Variants in ZNF582 observed in about 807,000 individuals in gnomAD.
The protein encoded by ZNF582 is zinc finger protein 582.
ZNF582 carries 14 observed loss-of-function variants against 12.3 expected under a neutral mutation model. The observed-to-expected ratio is 1.14, with a 90% CI of 0.75 to 1.78. ZNF582 has a LOEUF of 1.78. ZNF582 is among the 40% of genes most tolerant of loss of function. The pLI is 0.00. For missense variants in ZNF582, 567 were observed against 616.5 expected (o/e 0.92, Z 0.85); for synonymous variants, 210 against 207.2 (o/e 1.01, Z -0.11).
At chr19:56,385,081 A>C (rs2041954027) in exon 5 of ZNF582, 1 of 1,614,140 alleles carries the variant, frequency 6.2e-7, no homozygotes, top group Non-Finnish European at 8.5e-7. Context: ...AACACTCAAG[A>C]CCATAACTTG....
chr19:56,388,822 G>A lies in ZNF582; in HGVS notation c.232+1179C>T, dbSNP rs144176288. Reference sequence around the variant, plus strand: ...TAATTTTTGTGATTTTAGTCGGGACGAGGTTTCACCATGTTGGCCAGACTG... The same window carrying A: ...TAATTTTTGTGATTTTAGTCGGGACAAGGTTTCACCATGTTGGCCAGACTG... On this transcript the variant is annotated intron_variant, in intron 4 of 4. Coordinates refer to ENST00000586929, the Ensembl canonical transcript of ZNF582. Among the ~76,000 whole-genome samples the A allele has an allele frequency of 1.6e-3, 250 of 152,208 alleles. 1 individual carries two copies. The highest frequency in any genetic ancestry group is 2.2e-3 in the Non-Finnish European group (148 of 68,006).
chr19:56,385,350 G>C (rs1054700066), intron 4 of ZNF582, among the ~76,000 whole-genome samples, 166 bp from the exon 5 acceptor site: 1 of 152,262 alleles, frequency 6.6e-6, no homozygotes, highest in African/African-American at 2.4e-5. Context: ...ACATACATGA[G>C]ATGAGGGAGG....
At chr19:56,390,597 T>C in intron 2 of ZNF582, 96 bp from the exon 3 acceptor site, 3 of 1,402,208 alleles carry the variant, frequency 2.1e-6, no homozygotes, top group Admixed American at 3.7e-5. Context: ...GGGGGTTGTT[T>C]TGTTGAACAA....
intron 4 of ZNF582, chr19:56,388,499 T>G (rs2041987260): frequency 6.6e-6 from 1 of 152,262 alleles, no homozygotes; most frequent in Admixed American, 6.5e-5. Flanking sequence ...AGGTGAATAA[T>G]TTGTGAGAAG....
chr19:56,384,161 C>G (rs1190551605), exon 5 of ZNF582: 1 of 1,610,896 alleles, frequency 6.2e-7, no homozygotes, highest in Non-Finnish European at 8.5e-7. Flanking sequence ...TGGCTTTTCA[C>G]CTGTATGAAT....
At chr19:56,388,860 G>A (rs1036577658) in intron 4 of ZNF582, among the ~76,000 whole-genome samples, 7 of 152,014 alleles carry the variant, frequency 4.6e-5, no homozygotes, top group African/African-American at 1.5e-4. Flanking sequence ...CAAGTGATTT[G>A]GCCGCCTCAG....
At chr19:56,382,828 A>C (rs1358688037) in exon 5 of ZNF582, 1 of 152,178 alleles carries the variant, frequency 6.6e-6, no homozygotes, top group Non-Finnish European at 1.5e-5. Flanking sequence ...CTAGTAGCTG[A>C]GTCTTCTCAG....
intron 4 of ZNF582, 142 bp from the exon 5 acceptor site, chr19:56,385,326 G>T: frequency 1.2e-6 from 1 of 847,332 alleles, no homozygotes; most frequent in Non-Finnish European, 1.7e-6. Context: ...AAGTAGAACA[G>T]TGAAAGGAAA....
rs2042032076 is a variant in ZNF582 at position 56,393,205 on chromosome 19, C to A, written c.-81+15G>T. ...ATCCGCAATTTCAGGGGGTCGGAGA[C>A]CCCTGCGCACCCACCTAAGGGGTCC... On this transcript the variant is annotated intron_variant, in intron 1 of 4. Coordinates refer to ENST00000586929, the Ensembl canonical transcript of ZNF582. The A allele has an allele frequency of 1.6e-6, 2 of 1,263,186 alleles. No individual in the cohort carries two copies. Among genetic ancestry groups the A allele is most frequent in the Non-Finnish European group, 2.0e-6 (2 of 982,060 alleles). 78.2% of individuals were successfully genotyped at this position (1,263,186 alleles called of 1,614,324 possible).
chr19:56,389,992 C>T lies in ZNF582; in HGVS notation c.232+9G>A. On this transcript the variant is annotated intron_variant, in intron 4 of 4. Coordinates refer to ENST00000586929, the Ensembl canonical transcript of ZNF582. ...GTGGCTGCTCCCTTCCCAATGATAC[C>T]TCACTCACCTGGACACAGGCCTCCA... The T allele has an allele frequency of 6.2e-7, 1 of 1,612,518 alleles. No individual in the cohort carries two copies. Among genetic ancestry groups the T allele is most frequent in the Non-Finnish European group, 8.5e-7 (1 of 1,178,882 alleles).
intron 4 of ZNF582, among the ~76,000 whole-genome samples, chr19:56,389,285 T>G (rs1052857449): frequency 6.6e-5 from 10 of 152,210 alleles, no homozygotes; most frequent in African/African-American, 2.4e-4. Flanking sequence ...AAAAGCTTAA[T>G]AAGTACTTGT....
exon 5 of ZNF582, chr19:56,384,788 T>C (rs1466218777): frequency 6.3e-7 from 1 of 1,597,948 alleles, no homozygotes; most frequent in Non-Finnish European, 8.5e-7. Flanking sequence ...TCGTGAGCCA[T>C]ATTTAAAGGC....
intron 3 of ZNF582, 42 bp downstream of exon 3, chr19:56,390,333 G>A (rs1453165984): frequency 6.2e-7 from 1 of 1,613,364 alleles, no homozygotes; most frequent in Non-Finnish European, 8.5e-7. Flanking sequence ...GAAGGAACAT[G>A]CCCAAGGATA....
intron 4 of ZNF582, chr19:56,388,144 G>C (rs951750708): frequency 6.6e-6 from 1 of 151,890 alleles, no homozygotes; most frequent in Non-Finnish European, 1.5e-5. Flanking sequence ...TAAAAAAAGG[G>C]GGGGGGGATT....
exon 5 of ZNF582, chr19:56,382,866 C>G (rs951733616): frequency 6.6e-6 from 1 of 152,144 alleles, no homozygotes; most frequent in African/African-American, 2.4e-5. Context: ...CTGAGGTCCA[C>G]TTTTTTCTCT....
At chr19:56,386,369 T>C (rs2041966026) in intron 4 of ZNF582, 1 of 152,246 alleles carries the variant, frequency 6.6e-6, no homozygotes, top group Non-Finnish European at 1.5e-5. Context: ...ACGCCATGGC[T>C]GAAGCCCATT....
chr19:56,384,942 T>A, exon 5 of ZNF582: 1 of 1,614,118 alleles, frequency 6.2e-7, no homozygotes. Context: ...TGATAAAAAG[T>A]AAGGGATGCA....
chr19:56,391,449 C>G (rs1291418283), intron 2 of ZNF582, among the ~76,000 whole-genome samples: 1 of 152,186 alleles, frequency 6.6e-6, no homozygotes, highest in African/African-American at 2.4e-5. Context: ...TGTGATTGCT[C>G]CTAAGCATTC....
Position 56,393,215 on chromosome 19 carries a change from C to T in ZNF582, c.-81+5G>A. On this transcript the variant is annotated splice_donor_5th_base_variant and intron_variant, in intron 1 of 4. Coordinates refer to ENST00000586929, the Ensembl canonical transcript of ZNF582. ...TCAGGGGGTCGGAGACCCCTGCGCA[C>T]CCACCTAAGGGGTCCATGCACCTGG... The T allele has an allele frequency of 7.9e-7, 1 of 1,262,874 alleles. No individual in the cohort carries two copies. The highest frequency in any genetic ancestry group is 1.0e-6 in the Non-Finnish European group (1 of 981,910). The allele number at this position is 1,262,874 out of a possible 1,614,324, so 78.2% of individuals were successfully genotyped here. A position where few individuals can be genotyped will look rare whatever the true frequency, so the allele number is the denominator to read the frequency against.
Sources: allele counts gnomAD v4.1 joint callset (sites outside exome capture counted in the v4.1 genomes callset), GRCh38; gene constraint gnomAD v4.1.1; transcripts MANE v1.5; gene names NCBI Gene and HGNC (gene_info 2026-07-23, HGNC 2026-07-21).